Variants in FRY observed in about 807,000 individuals in gnomAD.
FRY encodes the protein FRY microtubule binding protein.
In FRY, 128 loss-of-function variants were observed where a neutral mutation model predicts 348.4. The ratio of observed to expected loss-of-function variants is 0.37; its 90% CI spans 0.32 to 0.43. The LOEUF (loss-of-function observed/expected upper bound fraction) is 0.43. FRY is among the 20% of genes least tolerant of loss of function. The pLI, the probability that FRY is intolerant of heterozygous loss-of-function variation, is 1.00. For synonymous variants in FRY, 1,370 were observed against 1,374.7 expected (o/e 1.00, Z 0.08); for missense variants, 2,736 against 3,695.2 (o/e 0.74, Z 6.73).
chr13:32,203,304 G>A (rs1355170395), intron 31 of FRY, among the ~76,000 whole-genome samples: 2 of 152,208 alleles, frequency 1.3e-5, no homozygotes, highest in African/African-American at 4.8e-5. Context: ...GTAAGTTGTT[G>A]AAAGTTTGAA....
chr13:32,251,973 T>C (rs1157932973), intron 50 of FRY, 21 bp downstream of exon 50: 1 of 1,547,126 alleles, frequency 6.5e-7, no homozygotes, highest in Non-Finnish European at 8.9e-7. Flanking sequence ...TCATGTGTCA[T>C]AGTTATTTTG....
chr13:32,169,275 ACT>A (rs1275509875), intron 17 of FRY, among the ~76,000 whole-genome samples: 1 of 150,954 alleles, frequency 6.6e-6, no homozygotes, highest in Admixed American at 6.6e-5. Context: ...TTCCTGCCTG[ACT>A]CTCTTTTCTC....
chr13:32,178,706 T>C (rs986131975), intron 21 of FRY, 138 bp from the exon 22 acceptor site: 2 of 718,872 alleles, frequency 2.8e-6, no homozygotes, highest in African/African-American at 1.8e-5. Flanking sequence ...TTTCATCCAA[T>C]GCAGATACTC....
intron 2 of FRY, among the ~76,000 whole-genome samples, chr13:32,080,591 C>T (rs1261545681): frequency 1.3e-5 from 2 of 152,168 alleles, no homozygotes; most frequent in African/African-American, 2.4e-5. Context: ...ACTTCTTAAA[C>T]CAACACAGGA....
chr13:32,234,564 G>A lies in FRY; in HGVS notation c.5528-10G>A, dbSNP rs757123146. On this transcript the variant is annotated splice_polypyrimidine_tract_variant and intron_variant, in intron 41 of 60. Transcript: ENST00000542859. ...GAGACTGACCTATTCTGTGGCTCTT[G>A]TTACCCTAGGCTTCCATCTGGAGCA... 6.2e-7 allele frequency: 1 copy of A among 1,613,324 alleles called. No homozygotes were observed. The highest frequency in any genetic ancestry group is 2.2e-5 in the East Asian group (1 of 44,884).
intron 2 of FRY, among the ~76,000 whole-genome samples, chr13:32,089,468 G>A (rs1876107173): frequency 2.0e-5 from 3 of 152,086 alleles, no homozygotes; most frequent in South Asian, 4.1e-4. Flanking sequence ...GCAGGCCACA[G>A]AGAAGGAATG....
At chr13:32,147,216 G>T (rs575843655) in intron 11 of FRY, 66 bp from the exon 12 acceptor site, 244 of 960,934 alleles carry the variant, frequency 2.5e-4, no homozygotes, top group African/African-American at 2.1e-3. Context: ...GCAGATAAGA[G>T]CCATCTCTAG....
chr13:32,202,842 T>C (rs1295092518), intron 31 of FRY, among the ~76,000 whole-genome samples: 1 of 151,026 alleles, frequency 6.6e-6, no homozygotes, highest in East Asian at 1.9e-4. Flanking sequence ...CCCAGCTACT[T>C]AGGAGGCTAG....
chr13:32,262,499 A>T, intron 53 of FRY, 24 bp downstream of exon 53: 1 of 1,581,392 alleles, frequency 6.3e-7, no homozygotes, highest in Non-Finnish European at 8.7e-7. Flanking sequence ...AACAATGATG[A>T]TTTGTACTTC....
chr13:32,176,242 G>A (rs1260303385), intron 20 of FRY, among the ~76,000 whole-genome samples: 2 of 151,944 alleles, frequency 1.3e-5, no homozygotes, highest in African/African-American at 4.8e-5. Context: ...AGTGTAGAAG[G>A]GAAATTTAAA....
At chr13:32,141,634 A>G (rs1880078105) in intron 11 of FRY, among the ~76,000 whole-genome samples, 1 of 152,224 alleles carries the variant, frequency 6.6e-6, no homozygotes, top group Non-Finnish European at 1.5e-5. Context: ...TATAAGCAGC[A>G]CAGGTGACTT....
At chr13:32,193,808 G>A (rs546678754) in intron 28 of FRY, among the ~76,000 whole-genome samples, 36 of 151,566 alleles carry the variant, frequency 2.4e-4, no homozygotes, top group Non-Finnish European at 4.1e-4. Flanking sequence ...GGCTGGTCTC[G>A]AACTCCTGAC....
At position 32,215,990 on chromosome 13, in the gene FRY, A is replaced by G. The variant is rs532476554; in HGVS notation, c.4683-2759A>G. On this transcript the variant is annotated intron_variant, in intron 35 of 60. Coordinates refer to ENST00000542859, the MANE Select transcript of FRY (RefSeq NM_023037.3). The stretch of plus-strand genomic sequence containing the variant: ...CACCTGTATAAATTTTGAACGGTCT[A>G]TGTTGAAACAGAGATAATTTCTATC... Among the ~76,000 whole-genome samples, 6 of 152,356 alleles carry G rather than the reference A, an allele frequency of 3.9e-5. No homozygotes were observed. The East Asian group carries it at 5.8e-4, about 15-fold the overall frequency.
chr13:32,113,642 C>G (rs1009944538), intron 3 of FRY, among the ~76,000 whole-genome samples: 1 of 152,240 alleles, frequency 6.6e-6, no homozygotes, highest in Non-Finnish European at 1.5e-5. Context: ...TTAAATGCAA[C>G]AAGAACATCT....
At chr13:32,285,829 T>G (rs141075006) in intron 58 of FRY, among the ~76,000 whole-genome samples, 1 of 152,354 alleles carries the variant, frequency 6.6e-6, no homozygotes, top group East Asian at 1.9e-4. Flanking sequence ...GACTTAAGAC[T>G]CTCCCTGTGT....
intron 13 of FRY, 140 bp downstream of exon 13, chr13:32,148,087 T>G (rs1880566399): frequency 3.0e-6 from 2 of 677,528 alleles, no homozygotes; most frequent in Admixed American, 4.3e-5. Flanking sequence ...TAAAGTGTTT[T>G]CACACACAGC....
rs374521917 is a variant in FRY at position 32,201,950 on chromosome 13, C to T, written c.3756C>T (p.Pro1252=). The change falls in exon 30 of 61, where the codon CCC becomes CCT. Residue 1252 remains proline (P), a synonymous_variant. Transcript: ENST00000542859. ...IATVCGSRNY[P]FDIVTLLNLV... ...TCTGTTGTGTTTTTAGGAACTATCC[C>T]TTCGACATAGTGACATTGTTAAACC... 8.3e-6 allele frequency: 13 copies of T among 1,575,118 alleles called. No homozygotes were observed. Among genetic ancestry groups the T allele is most frequent in the African/African-American group, 6.7e-5 (5 of 74,132 alleles).
intron 51 of FRY, among the ~76,000 whole-genome samples, chr13:32,254,716 A>C (rs961924781): frequency 6.6e-6 from 1 of 152,210 alleles, no homozygotes; most frequent in African/African-American, 2.4e-5. Flanking sequence ...AAAACATTTC[A>C]GTTCTTAGCC....
intron 2 of FRY, among the ~76,000 whole-genome samples, chr13:32,079,746 C>T (rs1029421051): frequency 5.9e-5 from 9 of 152,086 alleles, no homozygotes; most frequent in African/African-American, 1.4e-4. Flanking sequence ...AGGAAGGAAG[C>T]GCAATTGGTA....
Sources: gnomAD v4.1 joint callset for allele counts (sites outside exome capture counted in the v4.1 genomes callset) on GRCh38, gnomAD v4.1.1 for gene constraint, MANE v1.5 for transcripts, NCBI Gene and HGNC (gene_info 2026-07-23, HGNC 2026-07-21) for gene names.